Variants in OTUD7B observed in about 807,000 individuals in gnomAD.
The protein encoded by OTUD7B is OTU domain-containing protein 7B.
OTUD7B carries 34 observed loss-of-function variants against 82.2 expected under a neutral mutation model. That is an observed-to-expected ratio of 0.41 (90% CI 0.31 to 0.55). OTUD7B has a LOEUF of 0.55. Ranked by LOEUF, OTUD7B falls within the 20% of genes least tolerant of loss-of-function variation. The pLI is 0.20. For synonymous variants in OTUD7B, 398 were observed against 402.7 expected (o/e 0.99, Z 0.14); for missense variants, 944 against 1,062.1 (o/e 0.89, Z 1.55).
rs1647574248 is a variant in OTUD7B at position 149,944,778 on chromosome 1, T to C, written c.1611A>G (p.Thr537=). Residue 537 remains threonine (T), a synonymous_variant, in exon 12 of 12, where the codon ACA becomes ACG. Transcript: ENST00000581312. ...SKGSKPGGVG[T]GLGGSSGTET... ...CAGTGCCGCTGCTTCCTCCCAACCCTGTCCCCACCCCTCCAGGCTTTGAAC... is the reference window on the plus strand; with the variant it reads ...CAGTGCCGCTGCTTCCTCCCAACCCCGTCCCCACCCCTCCAGGCTTTGAAC... 6.2e-7 allele frequency: 1 copy of C among 1,614,018 alleles called. No homozygotes were observed. Among genetic ancestry groups the C allele is most frequent in the Non-Finnish European group, 8.5e-7 (1 of 1,179,962 alleles).
the OTUD7B span, among the ~76,000 whole-genome samples, chr1:150,024,347 C>T: frequency 6.6e-6 from 1 of 151,952 alleles, no homozygotes; most frequent in African/African-American, 2.4e-5. Flanking sequence ...CTCTGCACTC[C>T]GGAATGAAGG....
the OTUD7B span, among the ~76,000 whole-genome samples, chr1:150,040,345 G>C: frequency 6.6e-6 from 1 of 152,134 alleles, no homozygotes; most frequent in East Asian, 1.9e-4. Context: ...CTTAATATAT[G>C]CCAGGCAGCT....
chr1:149,990,644 C>T (rs1399298480), intron 1 of OTUD7B, among the ~76,000 whole-genome samples: 1 of 152,196 alleles, frequency 6.6e-6, no homozygotes, highest in Non-Finnish European at 1.5e-5. Context: ...AAATTAAATA[C>T]TTTTTGAGGT....
chr1:149,959,762 T>G lies in OTUD7B; in HGVS notation c.767A>C (p.Lys256Thr), dbSNP rs782034964. ...AAGCTTGATCAGTTCATTCCACTCC[T>G]TCTGCCATTCATCTTCTGTGTATAC... ...GLVYTEDEWQ[K>T]EWNELIKLAS... Residue 256 changes from lysine (K) to threonine (T), a missense_variant, in exon 7 of 12, where the codon AAG (lysine) becomes ACG (threonine). Around this residue, in one of 3 missense-constraint regions of OTUD7B, gnomAD observed 530 missense variants for 625.6 expected, o/e 0.85. Transcript: ENST00000581312. 1.9e-6 allele frequency: 3 copies of G among 1,613,998 alleles called. No individual in the cohort carries two copies. The highest frequency in any genetic ancestry group is 1.7e-6 in the Non-Finnish European group (2 of 1,179,878).
intron 1 of OTUD7B, among the ~76,000 whole-genome samples, chr1:149,980,239 C>G (rs782026988): frequency 1.5e-4 from 22 of 150,578 alleles, no homozygotes; most frequent in South Asian, 1.1e-3. Flanking sequence ...TGCTCTTTAG[C>G]AAAAATTTGA....
intron 1 of OTUD7B, among the ~76,000 whole-genome samples, chr1:149,983,806 T>C (rs1443674863): frequency 2.6e-5 from 4 of 152,182 alleles, no homozygotes; most frequent in African/African-American, 9.7e-5. Context: ...GTGAAGAGTT[T>C]GGAAGAAGCA....
chr1:149,972,352 A>C (rs974562801), intron 2 of OTUD7B, among the ~76,000 whole-genome samples: 10 of 152,194 alleles, frequency 6.6e-5, no homozygotes, highest in African/African-American at 2.4e-4. Flanking sequence ...ACTCTGTTCC[A>C]GTCATCACTG....
the OTUD7B span, among the ~76,000 whole-genome samples, chr1:150,046,891 C>T: frequency 2.0e-5 from 3 of 151,632 alleles, no homozygotes; most frequent in Admixed American, 6.6e-5. Context: ...GCTAACATGG[C>T]GAAACCCCAT....
chr1:149,958,322 CTTTTTTTTTT>C (rs34299927), intron 7 of OTUD7B, among the ~76,000 whole-genome samples: 2 of 86,394 alleles, frequency 2.3e-5, no homozygotes, highest in South Asian at 5.0e-4. Flanking sequence ...AAAGGACTAC[CTTTTTTTTTT>C]TTTTTTTTTT....
At chr1:150,055,383 A>AC in the OTUD7B span, among the ~76,000 whole-genome samples, 1 of 790 alleles carries the variant, frequency 1.3e-3, no homozygotes, top group Non-Finnish European at 3.6e-3. Flanking sequence ...ATAACTGATA[A>AC]CAAAAAAAAA....
At chr1:149,996,737 G>T (rs1334626205) in intron 1 of OTUD7B, among the ~76,000 whole-genome samples, 1 of 152,190 alleles carries the variant, frequency 6.6e-6, no homozygotes, top group Non-Finnish European at 1.5e-5. Flanking sequence ...TATATAAAAT[G>T]TTTAGTATAA....
chr1:150,065,167 G>A, the OTUD7B span, among the ~76,000 whole-genome samples: 1 of 152,008 alleles, frequency 6.6e-6, no homozygotes, highest in Non-Finnish European at 1.5e-5. Context: ...AACCTCCTGG[G>A]CTCAGGTGAT....
chr1:149,940,026 T>A lies in OTUD7B; in HGVS notation c.*3831A>T, dbSNP rs1235807019. The A allele has an allele frequency of 1.3e-5, 2 of 152,124 alleles. No individual in the cohort carries two copies. Among genetic ancestry groups the A allele is most frequent in the African/African-American group, 4.8e-5 (2 of 41,428 alleles). The allele number at this position is 152,124 out of a possible 1,614,324, so 9.4% of individuals were successfully genotyped here. On this transcript the variant is annotated 3_prime_UTR_variant, in exon 12 of 12. Transcript: ENST00000581312. Reference sequence around the variant, plus strand: ...TCAGAGACAATCATCTCTGAAATACTCTTTATTGAGAAAAAAAAATGTGAC... The same window carrying A: ...TCAGAGACAATCATCTCTGAAATACACTTTATTGAGAAAAAAAAATGTGAC...
At chr1:150,027,741 G>A in the OTUD7B span, among the ~76,000 whole-genome samples, 1 of 150,754 alleles carries the variant, frequency 6.6e-6, no homozygotes, top group Non-Finnish European at 1.5e-5. Flanking sequence ...AAAAAAAAGT[G>A]TATTTTCTTA....
At chr1:149,959,941 T>C in intron 6 of OTUD7B, 145 bp from the exon 7 acceptor site, 2 of 621,750 alleles carry the variant, frequency 3.2e-6, no homozygotes, top group South Asian at 1.9e-5. Context: ...AAATCTCTTA[T>C]CTCTTTTACA....
At chr1:150,054,268 C>T in the OTUD7B span, 1 of 470,468 alleles carries the variant, frequency 2.1e-6, no homozygotes, top group South Asian at 1.6e-5. Flanking sequence ...TCAGTCAGCA[C>T]ATGAGAAAAC....
chr1:149,993,343 T>C (rs1192715406), intron 1 of OTUD7B, among the ~76,000 whole-genome samples: 8 of 152,210 alleles, frequency 5.3e-5, no homozygotes, highest in African/African-American at 1.9e-4. Context: ...TCAAAAAGCA[T>C]TCTTAATGCC....
the OTUD7B span, among the ~76,000 whole-genome samples, chr1:150,027,254 A>T: frequency 6.6e-6 from 1 of 152,200 alleles, no homozygotes; most frequent in African/African-American, 2.4e-5. Context: ...TATAGGGAAT[A>T]CAGAGAGGTA....
intron 11 of OTUD7B, among the ~76,000 whole-genome samples, chr1:149,946,926 G>A (rs1553772296): frequency 6.6e-6 from 1 of 151,762 alleles, no homozygotes; most frequent in Non-Finnish European, 1.5e-5. Context: ...GGTGGCGCAT[G>A]CCTGTAATAC....
Sources: gnomAD v4.1 joint callset for allele counts (sites outside exome capture counted in the v4.1 genomes callset) on GRCh38, gnomAD v4.1.1 for gene constraint, gnomAD v4.1.1 regional missense constraint, MANE v1.5 for transcripts, NCBI Gene and HGNC (gene_info 2026-07-23, HGNC 2026-07-21) for gene names.